SHTN1: variants seen among roughly 807,000 people sequenced by gnomAD.
The protein encoded by SHTN1 is shootin 1.
Under a neutral mutation model 83.1 loss-of-function variants are expected in SHTN1, and 42 were observed. The observed-to-expected ratio is 0.51, with a 90% confidence interval of 0.39 to 0.65. SHTN1 has a LOEUF of 0.65. Among genes scored for constraint, SHTN1 ranks in the 30% least tolerant of loss-of-function variants. SHTN1 has a pLI of 0.00. For missense variants in SHTN1, 622 were observed against 737.8 expected, an observed-to-expected ratio of 0.84 and a Z score of 1.82; for synonymous variants, 224 against 247.7, an observed-to-expected ratio of 0.90 and a Z score of 0.90.
intron 2 of SHTN1, among the ~76,000 whole-genome samples, chr10:117,039,646 G>A (rs1028066743): frequency 6.6e-6 from 1 of 152,022 alleles, no homozygotes; most frequent in Non-Finnish European, 1.5e-5. Flanking sequence ...GAGGTCAGGA[G>A]ATCAAGACCA....
intron 7 of SHTN1, 126 bp from the exon 8 acceptor site, chr10:116,945,144 T>C (rs1849529640): frequency 1.5e-6 from 1 of 658,026 alleles, no homozygotes; most frequent in East Asian, 2.6e-5. Context: ...GCATTCCTGG[T>C]TGGCATACAA....
intron 2 of SHTN1, among the ~76,000 whole-genome samples, chr10:117,022,792 G>A (rs1852282432): frequency 1.3e-5 from 2 of 152,076 alleles, no homozygotes; most frequent in Admixed American, 1.3e-4. Context: ...ATGGTGGCAG[G>A]TGCCTGTAAT....
chr10:116,953,453 A>G (rs573062707), intron 5 of SHTN1, among the ~76,000 whole-genome samples: 4 of 152,262 alleles, frequency 2.6e-5, no homozygotes, highest in African/African-American at 9.6e-5. Context: ...TAACTCATAA[A>G]GCACAATTGT....
chr10:117,030,309 C>T (rs576065205), intron 2 of SHTN1, among the ~76,000 whole-genome samples: 1 of 152,180 alleles, frequency 6.6e-6, no homozygotes, highest in East Asian at 1.9e-4. Context: ...CTTTGTGTGC[C>T]CCCTAAAGCA....
chr10:117,109,176 C>G (rs1853723111), intron 1 of SHTN1, among the ~76,000 whole-genome samples: 1 of 152,168 alleles, frequency 6.6e-6, no homozygotes, highest in African/African-American at 2.4e-5. Flanking sequence ...GGTCCCACCC[C>G]TAGAATTTCT....
intron 2 of SHTN1, among the ~76,000 whole-genome samples, chr10:117,012,849 TTAA>T (rs1852129762): frequency 6.6e-6 from 1 of 152,184 alleles, no homozygotes; most frequent in Non-Finnish European, 1.5e-5. Flanking sequence ...AAATCACATA[TTAA>T]TATTTTGTAT....
chr10:116,915,053 T>C (rs1034150595), intron 13 of SHTN1, among the ~76,000 whole-genome samples: 3 of 152,160 alleles, frequency 2.0e-5, no homozygotes, highest in African/African-American at 4.8e-5. Context: ...AGATAATCAG[T>C]AGAATCACAC....
At position 116,901,839 on chromosome 10, in the gene SHTN1, C is replaced by A. The variant is rs371326209; in HGVS notation, c.1599G>T (p.Pro533=). The A allele has an allele frequency of 1.9e-6, 3 of 1,604,626 alleles. No individual in the cohort carries two copies. The highest frequency in any genetic ancestry group is 2.3e-5 in the East Asian group (1 of 44,426). ...CACCTGGCTCAGGTGTTGGGGGGGACGGGCTGTTGAATTCTGCCTCCAGAG... is the reference window on the plus strand; with the variant it reads ...CACCTGGCTCAGGTGTTGGGGGGGAAGGGCTGTTGAATTCTGCCTCCAGAG... ...KKTLEAEFNS[P]SPPTPEPGEG... is the part of the protein sequence containing the mutation. The change falls in exon 16 of 17, where the codon CCG becomes CCT. Residue 533 remains proline, a synonymous_variant. Coordinates refer to ENST00000355371, the MANE Select transcript of SHTN1 (RefSeq NM_001127211.3).
At chr10:117,095,453 T>C (rs1291564600) in intron 1 of SHTN1, among the ~76,000 whole-genome samples, 1 of 152,214 alleles carries the variant, frequency 6.6e-6, no homozygotes, top group Admixed American at 6.5e-5. Flanking sequence ...ATTGAGACTG[T>C]ATTAAGGTTT....
intron 9 of SHTN1, among the ~76,000 whole-genome samples, chr10:116,930,284 TA>T (rs1435439288): frequency 1.6e-4 from 25 of 152,314 alleles, no homozygotes; most frequent in African/African-American, 5.8e-4. Flanking sequence ...GGTTGTTATA[TA>T]GGTAAATTGT....
chr10:117,051,118 C>T (rs984719472), intron 1 of SHTN1, among the ~76,000 whole-genome samples: 43 of 151,978 alleles, frequency 2.8e-4, no homozygotes, highest in African/African-American at 9.9e-4. Context: ...TAAGGGAATA[C>T]AATAAACTAC....
At chr10:116,955,154 C>T (rs1004838586) in intron 4 of SHTN1, among the ~76,000 whole-genome samples, 3 of 150,496 alleles carry the variant, frequency 2.0e-5, no homozygotes, top group African/African-American at 4.9e-5. Context: ...TTTTTATTCC[C>T]GGACAGGGAA....
intron 1 of SHTN1, among the ~76,000 whole-genome samples, chr10:117,097,003 G>A (rs911603059): frequency 6.1e-5 from 9 of 148,020 alleles, no homozygotes; most frequent in African/African-American, 1.7e-4. Context: ...ACCCAAGCGC[G>A]CACGCGCGCG....
intron 2 of SHTN1, among the ~76,000 whole-genome samples, chr10:116,972,877 C>T (rs972478029): frequency 1.3e-5 from 2 of 152,104 alleles, no homozygotes; most frequent in Non-Finnish European, 2.9e-5. Flanking sequence ...ATGAATTGAC[C>T]GGAGGTTGGC....
intron 2 of SHTN1, among the ~76,000 whole-genome samples, chr10:117,033,582 G>A (rs1265564929): frequency 2.0e-5 from 3 of 152,106 alleles, no homozygotes; most frequent in African/African-American, 7.2e-5. Context: ...TGGCTTCACT[G>A]CTGAATTCTA....
intron 2 of SHTN1, among the ~76,000 whole-genome samples, chr10:117,043,172 C>T (rs946152595): frequency 7.9e-5 from 12 of 151,006 alleles, no homozygotes; most frequent in Admixed American, 7.9e-4. Flanking sequence ...CTCGCTCTGT[C>T]GCCCAGGCTG....
At position 116,956,684 on chromosome 10, in the gene SHTN1, CAAT is replaced by C. The variant is rs562337420; in HGVS notation, c.268-2477_268-2475del. Among the ~76,000 whole-genome samples the C allele has an allele frequency of 5.3e-5, 8 of 152,224 alleles. No homozygotes were observed. In the South Asian group the frequency reaches 1.5e-3, roughly 28 times the overall value. Reference sequence around the variant, plus strand: ...TATATTACTTCTTAGACAACCACTACAATAATACCTTAGCAACATCATAGCTAA... The same window carrying C: ...TATATTACTTCTTAGACAACCACTACAATACCTTAGCAACATCATAGCTAA... On this transcript the variant is annotated intron_variant, in intron 4 of 16. Transcript: ENST00000355371.
chr10:117,084,019 T>C (rs890013127), intron 1 of SHTN1, among the ~76,000 whole-genome samples: 4 of 152,068 alleles, frequency 2.6e-5, no homozygotes, highest in African/African-American at 9.7e-5. Flanking sequence ...AGTAATTTGA[T>C]CTTCTGAAGC....
intron 2 of SHTN1, among the ~76,000 whole-genome samples, chr10:116,971,335 T>C (rs1025504278): frequency 2.6e-5 from 4 of 152,172 alleles, no homozygotes; most frequent in African/African-American, 9.7e-5. Flanking sequence ...TAATAATAAT[T>C]CTGTCTAATA....
Sources: gnomAD v4.1 joint callset for allele counts (sites outside exome capture counted in the v4.1 genomes callset) on GRCh38, gnomAD v4.1.1 for gene constraint, MANE v1.5 for transcripts, NCBI Gene and HGNC (gene_info 2026-07-23, HGNC 2026-07-21) for gene names.